CERT1: variants seen among roughly 807,000 people sequenced by gnomAD.
CERT1 encodes the protein ceramide transfer protein.
CERT1 carries 31 observed loss-of-function variants against 87.9 expected under a neutral mutation model. The observed-to-expected ratio is 0.35, with a 90% CI of 0.27 to 0.48. The LOEUF is 0.48. Ranked by LOEUF, CERT1 falls within the 20% of genes least tolerant of loss-of-function variation. The pLI, the probability that CERT1 is intolerant of heterozygous loss-of-function variation, is 0.99. For missense variants in CERT1, 487 were observed against 758.0 expected, an observed-to-expected ratio of 0.64 and a Z score of 4.20; for synonymous variants, 289 against 250.9, an observed-to-expected ratio of 1.15 and a Z score of -1.44.
intron 11 of CERT1, among the ~76,000 whole-genome samples, chr5:75,390,136 G>C (rs1470558359): frequency 6.6e-6 from 1 of 152,024 alleles, no homozygotes; most frequent in Non-Finnish European, 1.5e-5. Context: ...CAAAGACATA[G>C]AGAGAGAGAG....
At position 75,402,981 on chromosome 5, in the gene CERT1, T is replaced by C; in HGVS notation, c.1008A>G (p.Ile336Met). ...TCAATAATAGATATACCTGTTCTTCTATTTTATCTTGTCTGTCAAGAGCAG... is the reference window on the plus strand; with the variant it reads ...TCAATAATAGATATACCTGTTCTTCCATTTTATCTTGTCTGTCAAGAGCAG... The part of the protein sequence containing the change: ...VEAALDRQDK[I>M]EEQSQSEKVR... Residue 336 changes from isoleucine to methionine, a missense_variant, in exon 9 of 17, where the codon ATA becomes ATG. Ile to Met is a conservative substitution (Grantham distance 10). Around this residue, in one of 8 missense-constraint regions of CERT1, gnomAD observed 91 missense variants for 86.7 expected, o/e 1.05. Coordinates refer to ENST00000643780, the MANE Select transcript of CERT1 (RefSeq NM_001379029.1). 1 of 1,606,280 alleles carries C rather than the reference T, an allele frequency of 6.2e-7. No individual in the cohort carries two copies. The highest frequency in any genetic ancestry group is 2.2e-5 in the East Asian group (1 of 44,778).
At chr5:75,384,158 T>C (rs970499664) in intron 14 of CERT1, among the ~76,000 whole-genome samples, 10 of 152,196 alleles carry the variant, frequency 6.6e-5, no homozygotes, top group Non-Finnish European at 1.0e-4. Context: ...GTAACTATCA[T>C]TTACCTCTTA....
intron 2 of CERT1, among the ~76,000 whole-genome samples, chr5:75,462,434 G>A (rs1243907006): frequency 1.3e-5 from 2 of 152,172 alleles, no homozygotes; most frequent in Non-Finnish European, 2.9e-5. Context: ...ACTCCTATGA[G>A]AATCTAATGC....
intron 7 of CERT1, among the ~76,000 whole-genome samples, chr5:75,412,467 C>T (rs1762969718): frequency 1.3e-5 from 2 of 152,154 alleles, no homozygotes; most frequent in African/African-American, 2.4e-5. Context: ...CTAAAGAAGG[C>T]TAGTGAAAGC....
chr5:75,384,116 T>C (rs1761693449), intron 14 of CERT1, among the ~76,000 whole-genome samples: 1 of 152,196 alleles, frequency 6.6e-6, no homozygotes. Context: ...ATTGTTGTTG[T>C]CACAGGAAGC....
intron 17 of CERT1, chr5:75,368,906 TAAG>T (rs1760986121): frequency 6.6e-6 from 1 of 151,900 alleles, no homozygotes; most frequent in South Asian, 2.1e-4. Context: ...GAAAATAACG[TAAG>T]TTGAAAACTT....
chr5:75,421,557 C>G (rs1763379353), intron 5 of CERT1, among the ~76,000 whole-genome samples: 1 of 152,128 alleles, frequency 6.6e-6, no homozygotes, highest in African/African-American at 2.4e-5. Flanking sequence ...AGTGAAAATA[C>G]AAAGATGAGT....
At chr5:75,453,407 G>A (rs1000420581) in intron 3 of CERT1, among the ~76,000 whole-genome samples, 2 of 152,144 alleles carry the variant, frequency 1.3e-5, no homozygotes, top group Non-Finnish European at 2.9e-5. Flanking sequence ...ATATAGATAT[G>A]AGGAACAAAC....
chr5:75,494,274 T>C (rs182773716), intron 2 of CERT1, among the ~76,000 whole-genome samples: 16 of 152,298 alleles, frequency 1.1e-4, no homozygotes, highest in Admixed American at 5.2e-4. Context: ...GAAGCTATAT[T>C]GTTATCTTTA....
chr5:75,490,198 A>C (rs1766716284), intron 2 of CERT1, among the ~76,000 whole-genome samples: 1 of 152,084 alleles, frequency 6.6e-6, no homozygotes, highest in African/African-American at 2.4e-5. Context: ...GCCTGTCGGG[A>C]GGTTGGGGAC....
intron 12 of CERT1, among the ~76,000 whole-genome samples, chr5:75,387,366 G>T (rs937089678): frequency 5.3e-5 from 8 of 152,088 alleles, no homozygotes; most frequent in Non-Finnish European, 1.0e-4. Flanking sequence ...TTCTAGGTAG[G>T]CTTTCATCAC....
chr5:75,511,821 G>A (rs1483560031), upstream of CERT1: 1 of 1,551,352 alleles, frequency 6.4e-7, no homozygotes, highest in Admixed American at 2.0e-5. Context: ...GAGAGGGCGG[G>A]GTAGGGATGC....
At chr5:75,403,473 G>A (rs1762581344) in intron 8 of CERT1, among the ~76,000 whole-genome samples, 1 of 152,190 alleles carries the variant, frequency 6.6e-6, no homozygotes, top group African/African-American at 2.4e-5. Context: ...TGTCCATAAA[G>A]TTTTACTGGA....
rs542106588 is a variant in CERT1, at chr5:75,444,874, A to AT, written c.348+14190dup. 3.1e-4 allele frequency among the ~76,000 whole-genome samples: 47 copies of AT among 151,500 alleles called. 1 individual carries two copies. The East Asian group carries it at 6.6e-3, about 21-fold the overall frequency. On this transcript the variant is annotated intron_variant, in intron 3 of 16. Coordinates refer to ENST00000643780, the MANE Select transcript of CERT1 (RefSeq NM_001379029.1). ...TGATTTTTCATAGTGAAATATTTGA[A>AT]TTTTTTTCGTATTTCCTTTTGTGTA...
At chr5:75,493,832 C>G (rs1326911860) in intron 2 of CERT1, among the ~76,000 whole-genome samples, 1 of 152,022 alleles carries the variant, frequency 6.6e-6, no homozygotes, top group Non-Finnish European at 1.5e-5. Flanking sequence ...TACCTATGTC[C>G]TATTTACTAC....
intron 11 of CERT1, among the ~76,000 whole-genome samples, chr5:75,392,969 C>CAAAAAAA (rs1198217217): frequency 5.7e-4 from 5 of 8,702 alleles, no homozygotes; most frequent in African/African-American, 1.7e-3. Flanking sequence ...GACTCCGTCT[C>CAAAAAAA]AAAAAAAAAA....
At chr5:75,400,562 T>C in intron 9 of CERT1, 1 of 363,668 alleles carries the variant, frequency 2.7e-6, no homozygotes, top group Non-Finnish European at 5.0e-6. Context: ...TCAGACTCCC[T>C]GCTACCTGCA....
chr5:75,426,649 T>C (rs2112188775), intron 3 of CERT1, among the ~76,000 whole-genome samples, 171 bp from the exon 4 acceptor site: 1 of 152,376 alleles, frequency 6.6e-6, no homozygotes, highest in South Asian at 2.1e-4. Flanking sequence ...CTAAATGCCA[T>C]TTAATTTAGA....
chr5:75,497,045 A>G lies in CERT1; in HGVS notation c.231+8937T>C, dbSNP rs985534525. Among the ~76,000 whole-genome samples the G allele has an allele frequency of 4.6e-5, 7 of 152,178 alleles. No individual in the cohort carries two copies. The East Asian group carries it at 1.2e-3, about 25-fold the overall frequency. On this transcript the variant is annotated intron_variant, in intron 2 of 16. Coordinates refer to ENST00000643780, the MANE Select transcript of CERT1 (RefSeq NM_001379029.1). Reference sequence around the variant, plus strand: ...GTAGGAAACAATAAATAGATCAAAGAAAAAAAGACTATCAAGAATACACAG... The same window carrying G: ...GTAGGAAACAATAAATAGATCAAAGGAAAAAAGACTATCAAGAATACACAG...
Sources: gnomAD v4.1 joint callset for allele counts (sites outside exome capture counted in the v4.1 genomes callset) on GRCh38, gnomAD v4.1.1 for gene constraint, gnomAD v4.1.1 regional missense constraint, MANE v1.5 for transcripts, NCBI Gene and HGNC (gene_info 2026-07-23, HGNC 2026-07-21) for gene names.